Variants in TRAPPC9 observed in about 807,000 individuals in gnomAD.
TRAPPC9 encodes the protein IKK2 binding protein.
In TRAPPC9, 83 loss-of-function variants were observed where a neutral mutation model predicts 124.0. The ratio of observed to expected loss-of-function variants is 0.67; its 90% CI spans 0.56 to 0.80. TRAPPC9 has a LOEUF of 0.80. Among genes scored for constraint, TRAPPC9 ranks in the 30% least tolerant of loss-of-function variants. The pLI, the probability that TRAPPC9 is intolerant of heterozygous loss-of-function variation, is 0.00. For synonymous variants in TRAPPC9, 638 were observed against 617.5 expected, an observed-to-expected ratio of 1.03 and a Z score of -0.49; for missense variants, 1,302 against 1,508.3, an observed-to-expected ratio of 0.86 and a Z score of 2.27.
intron 16 of TRAPPC9, among the ~76,000 whole-genome samples, chr8:140,230,104 C>G (rs552902546): frequency 6.6e-6 from 1 of 152,180 alleles, no homozygotes; most frequent in African/African-American, 2.4e-5. Context: ...GCAAGGCCAT[C>G]TCACAACAGG....
chr8:139,841,670 T>C (rs1348195211), intron 21 of TRAPPC9, among the ~76,000 whole-genome samples: 1 of 152,210 alleles, frequency 6.6e-6, no homozygotes, highest in African/African-American at 2.4e-5. Flanking sequence ...CAGGAGCTCC[T>C]GGTGCAGGCA....
At chr8:140,342,968 G>A (rs113848080) in intron 9 of TRAPPC9, among the ~76,000 whole-genome samples, 7 of 152,072 alleles carry the variant, frequency 4.6e-5, no homozygotes, top group Admixed American at 1.3e-4. Context: ...CCCGAACCCC[G>A]TATATTTTAG....
At chr8:139,812,295 C>G (rs1184360816) in intron 21 of TRAPPC9, among the ~76,000 whole-genome samples, 1 of 152,166 alleles carries the variant, frequency 6.6e-6, no homozygotes, top group East Asian at 1.9e-4. Context: ...AAAACAATCG[C>G]ATTGTCACAG....
intron 14 of TRAPPC9, among the ~76,000 whole-genome samples, chr8:140,278,886 A>T (rs1168277830): frequency 1.3e-5 from 2 of 152,246 alleles, no homozygotes; most frequent in Non-Finnish European, 2.9e-5. Flanking sequence ...CTGCAAAGCA[A>T]GCCTGGCCAT....
At chr8:140,050,897 T>G (rs550282412) in intron 17 of TRAPPC9, among the ~76,000 whole-genome samples, 26 of 152,302 alleles carry the variant, frequency 1.7e-4, no homozygotes, top group African/African-American at 6.3e-4. Flanking sequence ...GTGGCCTTCT[T>G]TCTCAGCTGG....
chr8:139,932,393 C>T lies in TRAPPC9; in HGVS notation c.2811-22093G>A, dbSNP rs373694681. 420 of 457,906 alleles carry T rather than the reference C, an allele frequency of 9.2e-4. 1 individual carries two copies. The highest frequency in any genetic ancestry group is 6.8e-3 in the African/African-American group (343 of 50,194). 28.4% of individuals were successfully genotyped at this position (457,906 alleles called of 1,614,324 possible). On this transcript the variant is annotated intron_variant, in intron 19 of 22. Coordinates refer to ENST00000438773, the MANE Select transcript of TRAPPC9 (RefSeq NM_001160372.4). ...ACACTGGATCAGAAGCACGCTGGAC[C>T]ACCACGTGGTATGGCTCCCTTTCTT...
intron 21 of TRAPPC9, among the ~76,000 whole-genome samples, chr8:139,747,891 T>C (rs1385175863): frequency 5.2e-5 from 3 of 58,028 alleles, no homozygotes; most frequent in Non-Finnish European, 8.5e-5. Context: ...ACAGCAGGTG[T>C]CAGAGCAGGT....
At chr8:139,755,090 T>A (rs1819607925) in intron 21 of TRAPPC9, among the ~76,000 whole-genome samples, 1 of 152,004 alleles carries the variant, frequency 6.6e-6, no homozygotes, top group African/African-American at 2.4e-5. Context: ...ACCTGAGAGG[T>A]CGTTGTAATT....
At chr8:140,444,443 G>A (rs545374625) in intron 2 of TRAPPC9, among the ~76,000 whole-genome samples, 6 of 152,084 alleles carry the variant, frequency 3.9e-5, no homozygotes, top group South Asian at 2.1e-4. Context: ...CTGCCAGGAC[G>A]GAGGCGGTGA....
chr8:140,144,269 G>C (rs866951495), intron 17 of TRAPPC9, among the ~76,000 whole-genome samples: 5 of 152,138 alleles, frequency 3.3e-5, no homozygotes, highest in Non-Finnish European at 7.3e-5. Flanking sequence ...CATCAATAGA[G>C]AGTAAGTTGA....
chr8:140,151,976 TC>T (rs2061549947), intron 17 of TRAPPC9, among the ~76,000 whole-genome samples: 1 of 152,148 alleles, frequency 6.6e-6, no homozygotes, highest in Non-Finnish European at 1.5e-5. Flanking sequence ...AGAGCCATAT[TC>T]CATGGAGGCT....
chr8:140,047,686 A>C (rs1408021026), intron 17 of TRAPPC9, among the ~76,000 whole-genome samples: 3 of 152,060 alleles, frequency 2.0e-5, no homozygotes, highest in African/African-American at 4.8e-5. Flanking sequence ...AGCAACAACA[A>C]CACCCAGTTG....
intron 9 of TRAPPC9, among the ~76,000 whole-genome samples, chr8:140,357,364 G>C (rs975235263): frequency 6.6e-6 from 1 of 152,096 alleles, no homozygotes; most frequent in African/African-American, 2.4e-5. Flanking sequence ...CGGCTCAGGC[G>C]AAGGGCTCAG....
intron 21 of TRAPPC9, among the ~76,000 whole-genome samples, chr8:139,821,765 C>T (rs1189952574): frequency 6.6e-6 from 1 of 152,240 alleles, no homozygotes; most frequent in Non-Finnish European, 1.5e-5. Flanking sequence ...GTCCAGCCAC[C>T]ACTGCGCACG....
At chr8:139,744,515 T>C (rs866309970) in intron 21 of TRAPPC9, among the ~76,000 whole-genome samples, 1 of 152,188 alleles carries the variant, frequency 6.6e-6, no homozygotes, top group Non-Finnish European at 1.5e-5. Flanking sequence ...ACTGCTCTCC[T>C]AGGAGCCGAG....
At chr8:140,012,611 C>A (rs2131855273) in intron 18 of TRAPPC9, among the ~76,000 whole-genome samples, 4 of 152,346 alleles carry the variant, frequency 2.6e-5, no homozygotes, top group African/African-American at 9.6e-5. Context: ...CTCCAAAACC[C>A]AGGTCCTCCA....
At chr8:139,880,250 A>C (rs1829596016) in intron 21 of TRAPPC9, among the ~76,000 whole-genome samples, 1 of 152,174 alleles carries the variant, frequency 6.6e-6, no homozygotes, top group Non-Finnish European at 1.5e-5. Context: ...GGCGGCCGGC[A>C]TAGCCATGGC....
chr8:139,840,565 A>G (rs1826659717), intron 21 of TRAPPC9, among the ~76,000 whole-genome samples: 1 of 152,224 alleles, frequency 6.6e-6, no homozygotes, highest in African/African-American at 2.4e-5. Context: ...TTCCTGGAGA[A>G]CAGACCAGAA....
At chr8:140,139,829 G>A (rs1250415947) in intron 17 of TRAPPC9, among the ~76,000 whole-genome samples, 1 of 152,096 alleles carries the variant, frequency 6.6e-6, no homozygotes, top group Non-Finnish European at 1.5e-5. Context: ...CTCATTCTGA[G>A]AGGTGGTTAT....
Sources: gnomAD v4.1 joint callset for allele counts (sites outside exome capture counted in the v4.1 genomes callset) on GRCh38, gnomAD v4.1.1 for gene constraint, MANE v1.5 for transcripts, NCBI Gene and HGNC (gene_info 2026-07-23, HGNC 2026-07-21) for gene names.